Variants in TINCR observed in about 807,000 individuals in gnomAD.
TINCR encodes TINCR ubiquitin domain containing.
chr19:5,567,884 T>C, exon 1 of TINCR: 1 of 389,898 alleles, frequency 2.6e-6, no homozygotes, highest in Non-Finnish European at 4.5e-6. Context: ...CTTGATGTGG[T>C]AGCGCTTCCA....
chr19:5,558,297 A>T (rs2052081698), downstream of TINCR: 1 of 152,254 alleles, frequency 6.6e-6, no homozygotes, highest in Non-Finnish European at 1.5e-5. Flanking sequence ...CAGACCTCCC[A>T]GTTCAGTGGA....
chr19:5,566,530 C>G (rs1311282227), intron 1 of TINCR, among the ~76,000 whole-genome samples: 4 of 149,470 alleles, frequency 2.7e-5, no homozygotes, highest in Admixed American at 6.7e-5. Context: ...CACAGAGACA[C>G]AGAGAGAGAT....
At chr19:5,558,955 TGGGAA>T (rs746429519), downstream of TINCR, 218 of 150,708 alleles carry the variant, frequency 1.4e-3, 1 homozygote, top group African/African-American at 2.4e-3. Flanking sequence ...GGAGAACAGA[TGGGAA>T]GGGAAGGGAA....
chr19:5,564,736 C>T (rs966256055), intron 1 of TINCR, among the ~76,000 whole-genome samples: 1 of 152,182 alleles, frequency 6.6e-6, no homozygotes, highest in Admixed American at 6.5e-5. Context: ...TATCACTATG[C>T]CTGGCTAATG....
rs928161509 is a variant in TINCR, at chr19:5,565,128, C to A, written c.261-2179G>T. On this transcript the variant is annotated intron_variant, in intron 1 of 1. Transcript: ENST00000646160. This position sits in a 1 kb window ranked among gnomAD's most constrained non-coding sequence, Gnocchi z 4.0. ...CAAGGCCCTGCATGAACTGCCCTGGCCCCTCCCTGCCCTCCCTTCCTCCCT... is the reference window on the plus strand; with the variant it reads ...CAAGGCCCTGCATGAACTGCCCTGGACCCTCCCTGCCCTCCCTTCCTCCCT... Among the ~76,000 whole-genome samples the A allele has an allele frequency of 6.6e-6, 1 of 152,158 alleles. No individual in the cohort carries two copies. The highest frequency in any genetic ancestry group is 1.5e-5 in the Non-Finnish European group (1 of 68,016).
At chr19:5,564,511 G>A (rs1017944982) in intron 1 of TINCR, among the ~76,000 whole-genome samples, 1 of 85,166 alleles carries the variant, frequency 1.2e-5, no homozygotes, top group African/African-American at 4.6e-5. Flanking sequence ...AGCTGTGTGT[G>A]TGGTCAGGGA....
At chr19:5,560,546 G>T (rs1030484811), downstream of TINCR, 3 of 152,234 alleles carry the variant, frequency 2.0e-5, no homozygotes, top group African/African-American at 7.2e-5. This position sits in a 1 kb window ranked among gnomAD's most constrained non-coding sequence, Gnocchi z 4.5. Context: ...TGCCCTGAGG[G>T]TCTCCACCCG....
rs1011251958 is a variant in TINCR at position 5,565,658 on chromosome 19, G to A, written c.260+2007C>T. Among the ~76,000 whole-genome samples, 6 of 152,082 alleles carry A rather than the reference G, an allele frequency of 3.9e-5. No homozygotes were observed. The South Asian group carries it at 1.0e-3, about 26-fold the overall frequency. ...CCCTCATCATCCTCTCAGCCTCCCC[G>A]TCCCCGCTAAGATCTTCCCTCAAGA... On this transcript the variant is annotated intron_variant, in intron 1 of 1. Transcript: ENST00000646160. This position sits in a 1 kb window ranked among gnomAD's most constrained non-coding sequence, Gnocchi z 4.0.
Position 5,565,664 on chromosome 19 carries a change from G to A in TINCR, c.260+2001C>T, listed in dbSNP as rs533372437. Among the ~76,000 whole-genome samples the A allele has an allele frequency of 4.6e-5, 7 of 152,070 alleles. No individual in the cohort carries two copies. The South Asian group carries it at 8.3e-4, about 18-fold the overall frequency. On this transcript the variant is annotated intron_variant, in intron 1 of 1. Coordinates refer to ENST00000646160, the Ensembl canonical transcript of TINCR. The surrounding 1 kb of genome is among the most constrained non-coding windows in gnomAD (Gnocchi z 4.0). The stretch of plus-strand genomic sequence containing the variant: ...TCATCCTCTCAGCCTCCCCGTCCCC[G>A]CTAAGATCTTCCCTCAAGAGGGCCT...
chr19:5,565,053 A>G lies in TINCR; in HGVS notation c.261-2104T>C, dbSNP rs1159174509. Among the ~76,000 whole-genome samples the G allele has an allele frequency of 6.6e-6, 1 of 151,772 alleles. No individual in the cohort carries two copies. Among genetic ancestry groups the G allele is most frequent in the Non-Finnish European group, 1.5e-5 (1 of 67,934 alleles). ...GTCCCTCCTCTGCCCACAGCCCTCT[A>G]TGGCTCCCACCTCCCTCGGAGTCAA... On this transcript the variant is annotated intron_variant, in intron 1 of 1. Coordinates refer to ENST00000646160, the Ensembl canonical transcript of TINCR. This position sits in a 1 kb window ranked among gnomAD's most constrained non-coding sequence, Gnocchi z 4.0.
chr19:5,567,626 G>GCCTCCCCCCCCCCCCCCCCCCCCCCCCC, intron 1 of TINCR, 39 bp downstream of exon 1: 13 of 202,442 alleles, frequency 6.4e-5, no homozygotes, highest in Non-Finnish European at 8.8e-5. Flanking sequence ...GTCCCCGGCC[G>GCCTCCCCCCCCCCCCCCCCCCCCCCCCC]CCGCCCCCGC....
chr19:5,561,369 G>C (rs2052101332), downstream of TINCR: 1 of 153,800 alleles, frequency 6.5e-6, no homozygotes, highest in Admixed American at 6.5e-5. Context: ...GGTCAGGCCA[G>C]GGTTTCATGG....
At chr19:5,566,828 C>CA (rs1187733320) in intron 1 of TINCR, among the ~76,000 whole-genome samples, 1 of 150,708 alleles carries the variant, frequency 6.6e-6, no homozygotes, top group East Asian at 2.0e-4. Context: ...AGGAAAAAAG[C>CA]AGAGACCAAA....
In TINCR at chr19:5,567,892, C is replaced by T; in HGVS notation, c.33G>A (p.Trp11Ter). Residue 11 changes from tryptophan (W) to a stop codon, truncating the protein, a stop_gained, in exon 1 of 2, where the codon TGG becomes TGA. Coordinates refer to ENST00000646160, the Ensembl canonical transcript of TINCR. LOFTEE classifies it high-confidence loss of function. ...GGTGCACCTTGATGTGGTAGCGCTT[C>T]CAGCGCGACAGCCCCCGCCGCAGCC... 1 of 389,560 alleles carries T rather than the reference C, an allele frequency of 2.6e-6. No individual in the cohort carries two copies. The highest frequency in any genetic ancestry group is 4.5e-6 in the Non-Finnish European group (1 of 220,222). The allele number at this position is 389,560 out of a possible 1,614,324, so 24.1% of individuals were successfully genotyped here.
At chr19:5,564,969 TCA>T (rs2052120738) in intron 1 of TINCR, among the ~76,000 whole-genome samples, 1 of 152,018 alleles carries the variant, frequency 6.6e-6, no homozygotes, top group South Asian at 2.1e-4. Flanking sequence ...CCTCCCCCCA[TCA>T]CAGTCTGTTC....
At chr19:5,566,957 AAG>A (rs1371314073) in intron 1 of TINCR, among the ~76,000 whole-genome samples, 1 of 151,992 alleles carries the variant, frequency 6.6e-6, no homozygotes, top group Admixed American at 6.6e-5. Context: ...TGACAGAGAA[AAG>A]AGAGACAGAG....
downstream of TINCR, chr19:5,561,790 G>A (rs1340231902): frequency 6.6e-6 from 1 of 152,124 alleles, no homozygotes; most frequent in Non-Finnish European, 1.5e-5. Context: ...CCAAATCAAA[G>A]CTCAATCCTT....
At chr19:5,561,612 C>CT (rs938964935), downstream of TINCR, 9 of 152,228 alleles carry the variant, frequency 5.9e-5, no homozygotes, top group Admixed American at 2.0e-4. Flanking sequence ...TTTTTTCTTT[C>CT]TTTTTTTTGA....
At chr19:5,558,263 T>G (rs74411837), downstream of TINCR, 1 of 152,220 alleles carries the variant, frequency 6.6e-6, no homozygotes, top group African/African-American at 2.4e-5. Flanking sequence ...CCAAAGGTAG[T>G]GATGACTCTG....
Sources: gnomAD v4.1 joint callset for allele counts (sites outside exome capture counted in the v4.1 genomes callset) on GRCh38, gnomAD v4.1.1 for gene constraint, Gnocchi (gnomAD v3.1) non-coding constraint, MANE v1.5 for transcripts, NCBI Gene and HGNC (gene_info 2026-07-23, HGNC 2026-07-21) for gene names.